The following SSBP3 variants were observed in gnomAD, a reference collection of about 807,000 sequenced individuals.
SSBP3 encodes single-stranded DNA-binding protein 3.
A neutral mutation model predicts 69.6 loss-of-function variants in SSBP3; 5 were observed. The observed-to-expected ratio is 0.07, with a 90% CI of 0.04 to 0.15. The LOEUF (loss-of-function observed/expected upper bound fraction) is 0.15, where lower values mean the gene tolerates loss of function less well. SSBP3 is among the 10% of genes least tolerant of loss of function. SSBP3 has a pLI of 1.00. For synonymous variants in SSBP3, 196 were observed against 193.4 expected (o/e 1.01, Z -0.11); for missense variants, 312 against 534.0 (o/e 0.58, Z 4.10).
At chr1:54,318,416 T>C (rs1282567239) in intron 4 of SSBP3, among the ~76,000 whole-genome samples, 1 of 152,168 alleles carries the variant, frequency 6.6e-6, no homozygotes, top group Non-Finnish European at 1.5e-5. Flanking sequence ...GGTGTCAGAT[T>C]GATCACCAGG....
At chr1:54,323,682 G>A (rs948604097) in intron 4 of SSBP3, among the ~76,000 whole-genome samples, 1 of 152,180 alleles carries the variant, frequency 6.6e-6, no homozygotes, top group African/African-American at 2.4e-5. Context: ...GCAAAAGCCT[G>A]GATTCCAATG....
intron 4 of SSBP3, among the ~76,000 whole-genome samples, chr1:54,389,975 T>C (rs1648366047): frequency 6.6e-6 from 1 of 152,176 alleles, no homozygotes. Flanking sequence ...TTTCCTTCTC[T>C]ACAAAATAGG....
intron 5 of SSBP3, among the ~76,000 whole-genome samples, chr1:54,260,994 T>A (rs1273508746): frequency 1.3e-5 from 2 of 152,168 alleles, no homozygotes; most frequent in African/African-American, 2.4e-5. Context: ...CCTGCCCACC[T>A]CTCGGCACAG....
intron 14 of SSBP3, 36 bp downstream of exon 14, chr1:54,239,093 G>A (rs761806342): frequency 3.9e-6 from 6 of 1,547,516 alleles, no homozygotes; most frequent in Non-Finnish European, 4.5e-6. Flanking sequence ...ATTTGTTATG[G>A]TGTCTGATAT....
At chr1:54,370,081 G>A (rs190577063) in intron 4 of SSBP3, among the ~76,000 whole-genome samples, 18 of 152,174 alleles carry the variant, frequency 1.2e-4, no homozygotes, top group Admixed American at 3.9e-4. Flanking sequence ...CCAACCCTCC[G>A]TCCTCTTCAG....
At chr1:54,246,042 C>T (rs923265904) in intron 9 of SSBP3, among the ~76,000 whole-genome samples, 1 of 152,198 alleles carries the variant, frequency 6.6e-6, no homozygotes, top group African/African-American at 2.4e-5. Context: ...TGCAGCATGG[C>T]TCTGGCTTTA....
chr1:54,324,239 G>C (rs1425159602), intron 4 of SSBP3, among the ~76,000 whole-genome samples: 3 of 152,164 alleles, frequency 2.0e-5, no homozygotes, highest in South Asian at 4.1e-4. Context: ...GGACTCTTTC[G>C]ACAGTCTTCA....
intron 4 of SSBP3, among the ~76,000 whole-genome samples, chr1:54,329,619 T>C (rs1646372370): frequency 6.6e-6 from 1 of 152,228 alleles, no homozygotes; most frequent in African/African-American, 2.4e-5. Context: ...AAGGAGACTA[T>C]AGGCTCTGCA....
chr1:54,292,660 A>G (rs1645629362), intron 4 of SSBP3, among the ~76,000 whole-genome samples: 1 of 152,144 alleles, frequency 6.6e-6, no homozygotes, highest in African/African-American at 2.4e-5. Context: ...TCCCACCCCA[A>G]TCCCAGCCCT....
chr1:54,324,373 ATC>A (rs1646265330), intron 4 of SSBP3, among the ~76,000 whole-genome samples: 1 of 152,220 alleles, frequency 6.6e-6, no homozygotes. Context: ...CTTCTGTGCC[ATC>A]GAGAAGCCGG....
intron 4 of SSBP3, among the ~76,000 whole-genome samples, chr1:54,365,740 C>T (rs1647020868): frequency 6.6e-6 from 1 of 152,232 alleles, no homozygotes; most frequent in African/African-American, 2.4e-5. Context: ...CTGCCAACAG[C>T]TTCTGCACAC....
At position 54,334,784 on chromosome 1, in the gene SSBP3, GC is replaced by G. The variant is rs1413827981; in HGVS notation, c.277-53258del. Among the ~76,000 whole-genome samples the G allele has an allele frequency of 6.6e-5, 10 of 152,262 alleles. No individual in the cohort carries two copies. In the East Asian group the frequency reaches 1.5e-3, roughly 23 times the overall value. On this transcript the variant is annotated intron_variant, in intron 4 of 17. Transcript: ENST00000610401. ...CCTGTATTACTCTCTTTCAGTGATGGCCAACTGCTGCCACACAGAGCCGACT... is the reference window on the plus strand; with the variant it reads ...CCTGTATTACTCTCTTTCAGTGATGGCAACTGCTGCCACACAGAGCCGACT...
rs149085460 is a variant in SSBP3, at chr1:54,247,910, G to C, written c.651+3706C>G. ...TTAGAAAGAAGAGTTCTAAGTGGAA[G>C]TACTATCTCCTTTCTGGCACTGGCA... On this transcript the variant is annotated intron_variant, in intron 9 of 17. Coordinates refer to ENST00000610401, the Ensembl canonical transcript of SSBP3. 1.3e-4 allele frequency among the ~76,000 whole-genome samples: 20 copies of C among 152,330 alleles called. No individual in the cohort carries two copies. In the East Asian group the frequency reaches 3.7e-3, roughly 28 times the overall value.
chr1:54,311,369 A>T (rs2100280119), intron 4 of SSBP3, among the ~76,000 whole-genome samples: 1 of 152,314 alleles, frequency 6.6e-6, no homozygotes, highest in East Asian at 1.9e-4. Flanking sequence ...CTGTCATGTC[A>T]AAGTGGGTCC....
intron 14 of SSBP3, among the ~76,000 whole-genome samples, chr1:54,234,875 C>T (rs991319906): frequency 2.6e-5 from 4 of 152,118 alleles, no homozygotes; most frequent in Middle Eastern, 3.4e-3. Flanking sequence ...ACAATCCTCC[C>T]GCTTCAGCCT....
At chr1:54,274,316 A>G (rs1645247280) in intron 5 of SSBP3, among the ~76,000 whole-genome samples, 1 of 152,166 alleles carries the variant, frequency 6.6e-6, no homozygotes, top group South Asian at 2.1e-4. Context: ...GGTTCTTAGG[A>G]CTATCTCATA....
At chr1:54,267,930 C>T (rs921122568) in intron 5 of SSBP3, among the ~76,000 whole-genome samples, 2 of 152,184 alleles carry the variant, frequency 1.3e-5, no homozygotes, top group Admixed American at 6.5e-5. Flanking sequence ...CAGGGTCTTG[C>T]TATGTTGTCC....
At chr1:54,290,659 G>A (rs79478833) in intron 4 of SSBP3, among the ~76,000 whole-genome samples, 13 of 152,304 alleles carry the variant, frequency 8.5e-5, no homozygotes, top group African/African-American at 2.9e-4. Flanking sequence ...AAGAGGTGGA[G>A]CCCCATGTAT....
At chr1:54,230,352 A>G (rs111514991) in intron 14 of SSBP3, among the ~76,000 whole-genome samples, 4,794 of 152,308 alleles carry the variant, frequency 0.031, 251 homozygotes, top group African/African-American at 0.11. Context: ...AACCCAGGAC[A>G]CAGCCATGCC....
Sources: allele counts gnomAD v4.1 joint callset (sites outside exome capture counted in the v4.1 genomes callset), GRCh38; gene constraint gnomAD v4.1.1; transcripts MANE v1.5; gene names NCBI Gene and HGNC (gene_info 2026-07-23, HGNC 2026-07-21).